AKAP6: variants seen among roughly 807,000 people sequenced by gnomAD.
AKAP6 encodes A-kinase anchoring protein 6.
Under a neutral mutation model 188.5 loss-of-function variants are expected in AKAP6, and 58 were observed. The observed-to-expected ratio is 0.31, with a 90% CI of 0.25 to 0.38. The LOEUF is 0.38. Among genes scored for constraint, AKAP6 ranks in the 10% least tolerant of loss-of-function variants. The probability of loss-of-function intolerance (pLI) is 1.00; values close to 1 mark genes in which losing one functional copy is unlikely to be tolerated. For synonymous variants in AKAP6, 989 were observed against 998.6 expected (o/e 0.99, Z 0.18); for missense variants, 2,710 against 2,740.0 (o/e 0.99, Z 0.24).
chr14:32,581,086 T>C (rs1441505942), intron 5 of AKAP6, among the ~76,000 whole-genome samples: 1 of 152,162 alleles, frequency 6.6e-6, no homozygotes, highest in East Asian at 1.9e-4. Context: ...GATGGCTGGG[T>C]CAAGTGGTAT....
chr14:32,614,639 C>A (rs1015743983), intron 7 of AKAP6, among the ~76,000 whole-genome samples: 1 of 152,152 alleles, frequency 6.6e-6, no homozygotes, highest in African/African-American at 2.4e-5. Context: ...GACTGCCTAA[C>A]CAATAGCCAT....
At chr14:32,431,577 G>A (rs761418423) in intron 1 of AKAP6, among the ~76,000 whole-genome samples, 2 of 151,786 alleles carry the variant, frequency 1.3e-5, no homozygotes, top group Admixed American at 6.6e-5. Context: ...GTGCAATCTC[G>A]GCTCAGCTCA....
intron 2 of AKAP6, among the ~76,000 whole-genome samples, chr14:32,470,589 C>T (rs1878721260): frequency 2.0e-5 from 3 of 152,146 alleles, no homozygotes; most frequent in African/African-American, 7.2e-5. Flanking sequence ...CCATTTAAAG[C>T]AGCTGAGAGG....
intron 7 of AKAP6, among the ~76,000 whole-genome samples, chr14:32,641,920 T>C (rs1223351115): frequency 6.6e-6 from 1 of 152,108 alleles, no homozygotes; most frequent in East Asian, 1.9e-4. Context: ...ATGTTCTCAG[T>C]GACTAGAGAT....
chr14:32,685,088 CT>C (rs1443936981), intron 8 of AKAP6, among the ~76,000 whole-genome samples: 14 of 91,890 alleles, frequency 1.5e-4, no homozygotes, highest in South Asian at 9.1e-4. Flanking sequence ...AGACCCCCCC[CT>C]ACCAAACCTA....
At position 32,822,918 on chromosome 14, in the gene AKAP6, A is replaced by G. The variant is rs1437081271; in HGVS notation, c.5105A>G (p.Glu1702Gly). 6.2e-7 allele frequency: 1 copy of G among 1,613,784 alleles called. No homozygotes were observed. The highest frequency in any genetic ancestry group is 8.5e-7 in the Non-Finnish European group (1 of 1,179,916). Reference sequence around the variant, plus strand: ...AGTGACGAGCTCTCTCTTTGCTCAGAGGATATTGTGTTACACAAGAACAAG... The same window carrying G: ...AGTGACGAGCTCTCTCTTTGCTCAGGGGATATTGTGTTACACAAGAACAAG... Reference protein sequence around the residue: ...SSSDELSLCSEDIVLHKNKIP... With the variant: ...SSSDELSLCSGDIVLHKNKIP... The change falls in exon 13 of 14, where the codon GAG becomes GGG. Residue 1702 changes from glutamate (E) to glycine (G), a missense_variant. Transcript: ENST00000280979.
At chr14:32,684,928 TGAGA>T (rs1014889314) in intron 8 of AKAP6, among the ~76,000 whole-genome samples, 1 of 151,942 alleles carries the variant, frequency 6.6e-6, no homozygotes, top group Non-Finnish European at 1.5e-5. Flanking sequence ...TTCAGTGTAG[TGAGA>T]GAGAGAGACA....
At chr14:32,717,220 G>A (rs895794208) in intron 9 of AKAP6, among the ~76,000 whole-genome samples, 1 of 152,010 alleles carries the variant, frequency 6.6e-6, no homozygotes, top group Non-Finnish European at 1.5e-5. Context: ...CCCTTGTTGT[G>A]GCTATAAGCT....
intron 12 of AKAP6, among the ~76,000 whole-genome samples, chr14:32,802,642 CA>C (rs1181087659): frequency 6.6e-6 from 1 of 152,082 alleles, no homozygotes; most frequent in East Asian, 1.9e-4. Context: ...TTATCTTTAT[CA>C]AATTTACCCT....
intron 2 of AKAP6, among the ~76,000 whole-genome samples, chr14:32,451,903 C>A (rs1175679047): frequency 6.6e-6 from 1 of 151,878 alleles, no homozygotes; most frequent in African/African-American, 2.4e-5. Flanking sequence ...CTTAACCCTA[C>A]TTCCTCCACC....
chr14:32,487,939 G>A (rs1291703627), intron 2 of AKAP6, among the ~76,000 whole-genome samples: 1 of 152,204 alleles, frequency 6.6e-6, no homozygotes, highest in Non-Finnish European at 1.5e-5. Flanking sequence ...GCACCCACCA[G>A]ATGCCAGCTG....
intron 12 of AKAP6, among the ~76,000 whole-genome samples, chr14:32,811,495 T>TA (rs1362368083): frequency 6.6e-6 from 1 of 152,064 alleles, no homozygotes; most frequent in Non-Finnish European, 1.5e-5. Flanking sequence ...TCTCAATAAA[T>TA]AAAATATGTT....
intron 2 of AKAP6, among the ~76,000 whole-genome samples, chr14:32,482,766 C>T (rs1157222694): frequency 6.6e-6 from 1 of 152,088 alleles, no homozygotes; most frequent in Non-Finnish European, 1.5e-5. Context: ...CAGAAAACGT[C>T]CCAAATAAGA....
chr14:32,436,111 A>G (rs558419826), intron 2 of AKAP6, among the ~76,000 whole-genome samples: 18 of 152,346 alleles, frequency 1.2e-4, no homozygotes, highest in African/African-American at 4.1e-4. Context: ...GGGCAGGCCC[A>G]GACTGGGGAT....
At chr14:32,722,563 C>A (rs2030604036) in intron 9 of AKAP6, among the ~76,000 whole-genome samples, 1 of 152,042 alleles carries the variant, frequency 6.6e-6, no homozygotes, top group African/African-American at 2.4e-5. Flanking sequence ...TACCCTGTAC[C>A]CGTAAAAACC....
At chr14:32,816,758 A>G (rs1215071737) in intron 12 of AKAP6, among the ~76,000 whole-genome samples, 2 of 152,014 alleles carry the variant, frequency 1.3e-5, no homozygotes, top group African/African-American at 4.8e-5. Flanking sequence ...CCTTTATTCA[A>G]TTACAGTTAT....
intron 1 of AKAP6, among the ~76,000 whole-genome samples, chr14:32,346,340 T>G (rs1349010430): frequency 1.3e-5 from 2 of 152,188 alleles, no homozygotes; most frequent in Non-Finnish European, 2.9e-5. Flanking sequence ...GTTACTCCAT[T>G]TGAACTTCCA....
At chr14:32,743,918 T>G (rs1229753246) in intron 11 of AKAP6, among the ~76,000 whole-genome samples, 1 of 152,266 alleles carries the variant, frequency 6.6e-6, no homozygotes, top group African/African-American at 2.4e-5. Flanking sequence ...AACGTCCTTT[T>G]CTTTCTAACT....
intron 8 of AKAP6, among the ~76,000 whole-genome samples, chr14:32,686,405 A>G (rs1174277764): frequency 6.6e-6 from 1 of 152,154 alleles, no homozygotes; most frequent in Non-Finnish European, 1.5e-5. Context: ...TATAGTCAAT[A>G]ATAACTTTAT....
Sources: allele counts gnomAD v4.1 joint callset (sites outside exome capture counted in the v4.1 genomes callset), GRCh38; gene constraint gnomAD v4.1.1; transcripts MANE v1.5; gene names NCBI Gene and HGNC (gene_info 2026-07-23, HGNC 2026-07-21).